Variants in ZNF135 observed in about 807,000 individuals in gnomAD.
ZNF135 encodes the protein zinc finger protein 135.
ZNF135 carries 11 observed loss-of-function variants against 12.3 expected under a neutral mutation model. The observed-to-expected ratio is 0.89, with a 90% CI of 0.56 to 1.48. ZNF135 has a LOEUF of 1.48. Ranked by LOEUF, ZNF135 falls within the 40% of genes most tolerant of loss-of-function variation. ZNF135 has a pLI of 0.00. For synonymous variants in ZNF135, 316 were observed against 312.0 expected, an observed-to-expected ratio of 1.01 and a Z score of -0.14; for missense variants, 722 against 815.7, an observed-to-expected ratio of 0.89 and a Z score of 1.40.
At chr19:58,064,720 A>T (rs2145931276) in intron 4 of ZNF135, among the ~76,000 whole-genome samples, 1 of 137,668 alleles carries the variant, frequency 7.3e-6, no homozygotes, top group South Asian at 2.3e-4. Context: ...TCTCTACAAA[A>T]AAAAAATACA....
chr19:58,062,865 A>C (rs1003812937), intron 3 of ZNF135, among the ~76,000 whole-genome samples: 1 of 151,472 alleles, frequency 6.6e-6, no homozygotes, highest in Admixed American at 6.6e-5. Context: ...TAATTTTTAA[A>C]ATTTTTGTAG....
chr19:58,064,572 T>C (rs1051695923), intron 4 of ZNF135, among the ~76,000 whole-genome samples: 2 of 152,140 alleles, frequency 1.3e-5, no homozygotes, highest in African/African-American at 4.8e-5. Context: ...CATTATATAA[T>C]ACATATACAA....
chr19:58,066,833 C>T lies in ZNF135; in HGVS notation c.349C>T (p.Leu117=). ...SNSVILVERF[L]WDGLWYCRGE... ...CAGTGTCATCTTGGTAGAAAGATTC[C>T]TGTGGGATGGTCTGTGGTACTGCAG... Residue 117 remains leucine (L), a synonymous_variant, in exon 5 of 5, where the codon CTG becomes TTG. Transcript: ENST00000313434. 1.2e-6 allele frequency: 2 copies of T among 1,614,188 alleles called. No homozygotes were observed. Among genetic ancestry groups the T allele is most frequent in the South Asian group, 1.1e-5 (1 of 91,086 alleles).
rs2074013373 is a variant in ZNF135 at position 58,063,386 on chromosome 19, T to C, written c.161-60T>C. ...CTGGAAGACCAAAGGTGGAATGGGCTGAGGCTCAGGAAGGGTCCTGGGATA... is the reference window on the plus strand; with the variant it reads ...CTGGAAGACCAAAGGTGGAATGGGCCGAGGCTCAGGAAGGGTCCTGGGATA... On this transcript the variant is annotated intron_variant, in intron 3 of 4. Coordinates refer to ENST00000313434, the MANE Select transcript of ZNF135 (RefSeq NM_001289401.2). This position sits in a 1 kb window ranked among gnomAD's most constrained non-coding sequence, Gnocchi z 4.4. 3.7e-6 allele frequency: 6 copies of C among 1,606,458 alleles called. No individual in the cohort carries two copies. In the Admixed American group the frequency reaches 1.0e-4, roughly 27 times the overall value.
chr19:58,059,644 G>A lies in ZNF135; in HGVS notation c.-34-325G>A, dbSNP rs2073933176. 7.8e-6 allele frequency: 4 copies of A among 512,228 alleles called. No individual in the cohort carries two copies. In the South Asian group the frequency reaches 1.1e-4, roughly 14 times the overall value. 31.7% of individuals were successfully genotyped at this position (512,228 alleles called of 1,614,324 possible). On this transcript the variant is annotated intron_variant, in intron 1 of 4. Transcript: ENST00000313434. The surrounding 1 kb of genome is among the most constrained non-coding windows in gnomAD (Gnocchi z 6.5). ...CACTGGGCCGCCACCTTTGTTGATG[G>A]AAGAGAGAAACTGAGGCATAGTGCC...
Position 58,067,461 on chromosome 19 carries a change from A to G in ZNF135, c.977A>G (p.Tyr326Cys), listed in dbSNP as rs2145938719. Reference sequence around the variant, plus strand: ...CGAACTCACACAGGCGAGAAGCCCTACGAGTGCAGTGAGTGTGGGAAAGCC... The same window carrying G: ...CGAACTCACACAGGCGAGAAGCCCTGCGAGTGCAGTGAGTGTGGGAAAGCC... Reference protein sequence around the residue: ...HERTHTGEKPYECSECGKAFR... With the variant: ...HERTHTGEKPCECSECGKAFR... The change falls in exon 5 of 5, where the codon TAC becomes TGC. Residue 326 changes from tyrosine (Y) to cysteine (C), a missense_variant. Transcript: ENST00000313434. 3 of 1,614,216 alleles carry G rather than the reference A, an allele frequency of 1.9e-6. No homozygotes were observed. The highest frequency in any genetic ancestry group is 4.5e-5 in the East Asian group (2 of 44,882).
chr19:58,061,132 G>GAA lies in ZNF135; in HGVS notation c.34-439_34-438dup, dbSNP rs34300504. ...GACAAAGCGAGACTCCGTCTCGGGG[G>GAA]AAAAAAAAAACCACCCAGATTCAGT... On this transcript the variant is annotated intron_variant, in intron 2 of 4. Transcript: ENST00000313434. 7.1e-4 allele frequency among the ~76,000 whole-genome samples: 105 copies of GAA among 148,120 alleles called. 1 individual carries two copies. The highest frequency in any genetic ancestry group is 1.6e-3 in the African/African-American group (63 of 40,336).
chr19:58,060,301 G>A lies in ZNF135; in HGVS notation c.33+266G>A, dbSNP rs191346327. On this transcript the variant is annotated intron_variant, in intron 2 of 4. Coordinates refer to ENST00000313434, the MANE Select transcript of ZNF135 (RefSeq NM_001289401.2). This position sits in a 1 kb window ranked among gnomAD's most constrained non-coding sequence, Gnocchi z 4.9. ...CTATTTGCACATCTAGCCTCTACTC[G>A]TGTCCGGCCTCTACCTGCACACCCG... The A allele has an allele frequency of 3.1e-4, 423 of 1,369,478 alleles. No homozygotes were observed. The highest frequency in any genetic ancestry group is 5.7e-4 in the Admixed American group (19 of 33,458). 84.8% of individuals were successfully genotyped at this position (1,369,478 alleles called of 1,614,324 possible).
At chr19:58,064,709 G>A (rs867065419) in intron 4 of ZNF135, among the ~76,000 whole-genome samples, 23 of 132,922 alleles carry the variant, frequency 1.7e-4, no homozygotes, top group Middle Eastern at 7.5e-3. Context: ...GTGAAACCCC[G>A]TCTCTACAAA....
rs1005451357 is a variant in ZNF135 at position 58,063,874 on chromosome 19, A to G, written c.256+333A>G. 2.6e-5 allele frequency among the ~76,000 whole-genome samples: 4 copies of G among 152,174 alleles called. No individual in the cohort carries two copies. Among genetic ancestry groups the G allele is most frequent in the African/African-American group, 9.7e-5 (4 of 41,430 alleles). On this transcript the variant is annotated intron_variant, in intron 4 of 4. Coordinates refer to ENST00000313434, the MANE Select transcript of ZNF135 (RefSeq NM_001289401.2). The surrounding 1 kb of genome is among the most constrained non-coding windows in gnomAD (Gnocchi z 4.4). Reference sequence around the variant, plus strand: ...GGGGGATGAGTAGACTTTAGCAGAGAGATGAGGGATAGCCTCTCCAAGGAG... The same window carrying G: ...GGGGGATGAGTAGACTTTAGCAGAGGGATGAGGGATAGCCTCTCCAAGGAG...
rs532596603 is a variant in ZNF135 at position 58,063,611 on chromosome 19, C to T, written c.256+70C>T. The T allele has an allele frequency of 2.0e-5, 32 of 1,599,776 alleles. 1 individual carries two copies. In the South Asian group the frequency reaches 3.2e-4, roughly 16 times the overall value. On this transcript the variant is annotated intron_variant, in intron 4 of 4. Coordinates refer to ENST00000313434, the MANE Select transcript of ZNF135 (RefSeq NM_001289401.2). This position sits in a 1 kb window ranked among gnomAD's most constrained non-coding sequence, Gnocchi z 4.4. ...TGCTTCCTGGTTTCTCCCTCTGCAT[C>T]TGCTCTCTAATTCTTCAGAGCAAAT...
rs1331394834 is a variant in ZNF135, at chr19:58,065,744, T to G, written c.257-997T>G. ...CCTTAATTCCTCCCTCCCATGTAAT[T>G]GGAAACATACAGGTTATAGGGTTAG... On this transcript the variant is annotated intron_variant, in intron 4 of 4. Coordinates refer to ENST00000313434, the MANE Select transcript of ZNF135 (RefSeq NM_001289401.2). This position sits in a 1 kb window ranked among gnomAD's most constrained non-coding sequence, Gnocchi z 4.0. Among the ~76,000 whole-genome samples, 1 of 152,140 alleles carries G rather than the reference T, an allele frequency of 6.6e-6. No individual in the cohort carries two copies. Among genetic ancestry groups the G allele is most frequent in the Non-Finnish European group, 1.5e-5 (1 of 68,030 alleles).
At chr19:58,064,526 T>C (rs2074034843) in intron 4 of ZNF135, among the ~76,000 whole-genome samples, 1 of 152,182 alleles carries the variant, frequency 6.6e-6, no homozygotes, top group African/African-American at 2.4e-5. Context: ...TTATGATTTT[T>C]TTAAATAGCT....
rs778362099 is a variant in ZNF135 at position 58,059,327 on chromosome 19, A to AGGAGGG, written c.-35+25_-35+30dup. On this transcript the variant is annotated intron_variant, in intron 1 of 4. Coordinates refer to ENST00000313434, the MANE Select transcript of ZNF135 (RefSeq NM_001289401.2). The surrounding 1 kb of genome is among the most constrained non-coding windows in gnomAD (Gnocchi z 6.5). ...GTCAGGAGGGTGAGCTAGGCCGGCG[A>AGGAGGG]GGAGGGGGAGGGGAGGCCAGGCCGG... 2.2e-6 allele frequency: 2 copies of AGGAGGG among 906,786 alleles called. No homozygotes were observed. Among genetic ancestry groups the AGGAGGG allele is most frequent in the Non-Finnish European group, 2.7e-6 (2 of 740,942 alleles). 56.2% of individuals were successfully genotyped at this position (906,786 alleles called of 1,614,324 possible).
intron 4 of ZNF135, among the ~76,000 whole-genome samples, chr19:58,064,977 T>C (rs2074042201): frequency 6.6e-6 from 1 of 152,240 alleles, no homozygotes; most frequent in Admixed American, 6.5e-5. Context: ...TCAAAGGCTA[T>C]ACACAGATTT....
intron 2 of ZNF135, 139 bp from the exon 3 acceptor site, chr19:58,061,441 G>A: frequency 9.7e-7 from 1 of 1,025,758 alleles, no homozygotes; most frequent in Admixed American, 3.0e-5. Flanking sequence ...ACCCATCCAG[G>A]CCCCACAGAA....
chr19:58,063,414 A>G lies in ZNF135; in HGVS notation c.161-32A>G. On this transcript the variant is annotated intron_variant, in intron 3 of 4. Coordinates refer to ENST00000313434, the MANE Select transcript of ZNF135 (RefSeq NM_001289401.2). The surrounding 1 kb of genome is among the most constrained non-coding windows in gnomAD (Gnocchi z 4.4). ...GGCTCAGGAAGGGTCCTGGGATACA[A>G]ATGCTCACTCTATGGGTCTCTCCCT... The G allele has an allele frequency of 6.2e-7, 1 of 1,613,338 alleles. No homozygotes were observed. Among genetic ancestry groups the G allele is most frequent in the Non-Finnish European group, 8.5e-7 (1 of 1,179,564 alleles).
chr19:58,059,265 C>T (rs776359373), upstream of ZNF135: 2 of 1,580,102 alleles, frequency 1.3e-6, no homozygotes, highest in East Asian at 2.4e-5. The surrounding 1 kb of genome is among the most constrained non-coding windows in gnomAD (Gnocchi z 6.5). Flanking sequence ...CGCGCCGGCG[C>T]AGTGTCGGCT....
At position 58,067,637 on chromosome 19, in the gene ZNF135, C is replaced by T. The variant is rs1329374265; in HGVS notation, c.1153C>T (p.His385Tyr). The T allele has an allele frequency of 6.3e-7, 1 of 1,583,218 alleles. No homozygotes were observed. The highest frequency in any genetic ancestry group is 8.6e-7 in the Non-Finnish European group (1 of 1,168,198). ...IHTGEKPYEC[H>Y]ECGKAFTQIT... ...CACAGGGGAGAAGCCCTACGAGTGC[C>T]ATGAGTGTGGAAAAGCCTTCACCCA... Residue 385 changes from histidine to tyrosine, a missense_variant, in exon 5 of 5, where the codon CAT (histidine) becomes TAT (tyrosine). Transcript: ENST00000313434.
Sources: gnomAD v4.1 joint callset for allele counts (sites outside exome capture counted in the v4.1 genomes callset) on GRCh38, gnomAD v4.1.1 for gene constraint, Gnocchi (gnomAD v3.1) non-coding constraint, MANE v1.5 for transcripts, NCBI Gene and HGNC (gene_info 2026-07-23, HGNC 2026-07-21) for gene names.